Variants in PHC2 observed in about 807,000 individuals in gnomAD.
PHC2 encodes the protein polyhomeotic homolog 2.
PHC2 carries 29 observed loss-of-function variants against 87.4 expected under a neutral mutation model. The ratio of observed to expected loss-of-function variants is 0.33; its 90% CI spans 0.25 to 0.45. The LOEUF (loss-of-function observed/expected upper bound fraction) is 0.45. Ranked by LOEUF, PHC2 falls within the 20% of genes least tolerant of loss-of-function variation. PHC2 has a pLI of 1.00. For synonymous variants in PHC2, 438 were observed against 461.7 expected, an observed-to-expected ratio of 0.95 and a Z score of 0.66; for missense variants, 857 against 1,136.7, an observed-to-expected ratio of 0.75 and a Z score of 3.54.
rs114472667 is a variant in PHC2, at chr1:33,369,182, G to A, written c.577-560C>T. Reference sequence around the variant, plus strand: ...TAGAGACAACAACAGCAGAGGAAGCGGACCGCCTGGAGCCGTCCTCATGTC... The same window carrying A: ...TAGAGACAACAACAGCAGAGGAAGCAGACCGCCTGGAGCCGTCCTCATGTC... On this transcript the variant is annotated intron_variant, in intron 5 of 14. Transcript: ENST00000683057. This position sits in a 1 kb window ranked among gnomAD's most constrained non-coding sequence, Gnocchi z 4.7. Among the ~76,000 whole-genome samples the A allele has an allele frequency of 3.2e-3, 481 of 152,302 alleles. 3 individuals are homozygous for A. The highest frequency in any genetic ancestry group is 0.011 in the African/African-American group (460 of 41,560).
In PHC2 at chr1:33,349,892, G is replaced by T; in HGVS notation, c.1558+4509C>A. 1.0e-6 allele frequency: 1 copy of T among 976,712 alleles called. No individual in the cohort carries two copies. Among genetic ancestry groups the T allele is most frequent in the Non-Finnish European group, 1.2e-6 (1 of 825,784 alleles). 60.5% of individuals were successfully genotyped at this position (976,712 alleles called of 1,614,324 possible). On this transcript the variant is annotated intron_variant, in intron 9 of 14. Coordinates refer to ENST00000683057, the MANE Select transcript of PHC2 (RefSeq NM_001385109.1). The surrounding 1 kb of genome is among the most constrained non-coding windows in gnomAD (Gnocchi z 4.2). ...GCTCGAGGGCTGCAGCCGCCGCGGA[G>T]ACAATGCGGCGAGTCTGGGACGGCT...
At position 33,419,702 on chromosome 1, in the gene PHC2, C is replaced by T. The variant is rs181707094; in HGVS notation, c.-55+11274G>A. On this transcript the variant is annotated intron_variant, in intron 1 of 14. Transcript: ENST00000683057. Reference sequence around the variant, plus strand: ...TCAGCTCACTGCAAGCTCCACCTCCCGGGTTCATGCCATTCTCCTGCCTCA... The same window carrying T: ...TCAGCTCACTGCAAGCTCCACCTCCTGGGTTCATGCCATTCTCCTGCCTCA... 1.0e-2 allele frequency among the ~76,000 whole-genome samples: 1,519 copies of T among 152,246 alleles called. 63 individuals are homozygous for T. The highest frequency in any genetic ancestry group is 0.066 in the Admixed American group (1,003 of 15,296).
chr1:33,326,676 G>A (rs768975800), intron 14 of PHC2, among the ~76,000 whole-genome samples: 22 of 152,200 alleles, frequency 1.4e-4, no homozygotes, highest in Non-Finnish European at 2.8e-4. Flanking sequence ...AAGGTAGGCC[G>A]GGCGCAGTGG....
chr1:33,418,508 C>A (rs554317554), intron 1 of PHC2, among the ~76,000 whole-genome samples: 1 of 152,230 alleles, frequency 6.6e-6, no homozygotes, highest in African/African-American at 2.4e-5. Context: ...TGGACAAATT[C>A]TTTGAAAGAC....
chr1:33,401,673 T>C (rs1649538228), intron 1 of PHC2, among the ~76,000 whole-genome samples: 1 of 152,142 alleles, frequency 6.6e-6, no homozygotes, highest in African/African-American at 2.4e-5. Flanking sequence ...ATTTACCACT[T>C]AATGGAACCA....
chr1:33,346,604 G>T, intron 9 of PHC2: 1 of 985,374 alleles, frequency 1.0e-6, no homozygotes, highest in Non-Finnish European at 1.2e-6. Flanking sequence ...CCGTACTAAT[G>T]ATGAGCAGCA....
At chr1:33,351,354 G>T (rs1302078415) in intron 9 of PHC2, among the ~76,000 whole-genome samples, 3 of 152,230 alleles carry the variant, frequency 2.0e-5, no homozygotes, top group African/African-American at 7.2e-5. Flanking sequence ...CACTGGCAAT[G>T]TGATGGTTTT....
intron 9 of PHC2, among the ~76,000 whole-genome samples, chr1:33,354,028 T>A (rs1456777868): frequency 6.6e-6 from 1 of 152,176 alleles, no homozygotes; most frequent in African/African-American, 2.4e-5. Flanking sequence ...TTTTGCCATA[T>A]TTCCAATATC....
At chr1:33,377,475 A>C (rs935187525) in intron 1 of PHC2, among the ~76,000 whole-genome samples, 3 of 152,052 alleles carry the variant, frequency 2.0e-5, no homozygotes, top group Admixed American at 2.0e-4. Context: ...TTGGCAGTGG[A>C]GAGGGGTTGG....
intron 1 of PHC2, among the ~76,000 whole-genome samples, chr1:33,417,914 A>G (rs1464779358): frequency 2.0e-5 from 3 of 152,194 alleles, no homozygotes; most frequent in South Asian, 2.1e-4. Context: ...CTCGAAAGCA[A>G]TAACAGAAAG....
chr1:33,383,958 G>A (rs1322821198), intron 1 of PHC2, among the ~76,000 whole-genome samples: 11 of 152,096 alleles, frequency 7.2e-5, no homozygotes, highest in Admixed American at 5.9e-4. Context: ...CCTCCAGAAC[G>A]GTAACATGAT....
chr1:33,346,354 C>G (rs979615290), intron 9 of PHC2: 3 of 985,262 alleles, frequency 3.0e-6, no homozygotes, highest in Non-Finnish European at 3.6e-6. Flanking sequence ...AGAAAGTCAT[C>G]ATCATGATCA....
In PHC2 at chr1:33,375,399, C is replaced by A; in HGVS notation, c.141G>T (p.Val47=). The A allele has an allele frequency of 6.2e-7, 1 of 1,609,216 alleles. No individual in the cohort carries two copies. ...SGRPTGPQIS[V]YSGIPDRQTV... ...TCTGCCGGTCTGGAATACCACTGTACACAGAAATCTGGGGCCCGGTGGGGC... is the reference window on the plus strand; with the variant it reads ...TCTGCCGGTCTGGAATACCACTGTAAACAGAAATCTGGGGCCCGGTGGGGC... Residue 47 remains valine (V), a synonymous_variant, in exon 2 of 15, where the codon GTG becomes GTT. Transcript: ENST00000683057.
chr1:33,392,397 C>T (rs1390833768), intron 1 of PHC2, among the ~76,000 whole-genome samples: 3 of 152,250 alleles, frequency 2.0e-5, no homozygotes, highest in Admixed American at 6.5e-5. Flanking sequence ...CGCGTTCTCA[C>T]GTTCTGTTCC....
intron 14 of PHC2, 92 bp downstream of exon 14, chr1:33,328,778 C>CT: frequency 7.6e-7 from 1 of 1,309,524 alleles, no homozygotes; most frequent in Non-Finnish European, 1.0e-6. Flanking sequence ...GAGTCATTAA[C>CT]TAAACTACCT....
At chr1:33,361,672 TAAC>T (rs1647197682) in intron 7 of PHC2, among the ~76,000 whole-genome samples, 1 of 152,174 alleles carries the variant, frequency 6.6e-6, no homozygotes, top group Non-Finnish European at 1.5e-5. Context: ...AAGAAGGAAA[TAAC>T]AGTCTCTGAG....
Position 33,355,268 on chromosome 1 carries a change from G to A in PHC2, c.977-15C>T. ...CTGAGCATAGGCTGAAAGGGGAAAG[G>A]CCAGGTTAGAGAGCATGGCTTGACC... On this transcript the variant is annotated splice_polypyrimidine_tract_variant and intron_variant, in intron 7 of 14. Coordinates refer to ENST00000683057, the MANE Select transcript of PHC2 (RefSeq NM_001385109.1). 2.6e-6 allele frequency: 4 copies of A among 1,550,806 alleles called. No individual in the cohort carries two copies. Among genetic ancestry groups the A allele is most frequent in the Non-Finnish European group, 2.6e-6 (3 of 1,146,046 alleles).
At position 33,334,206 on chromosome 1, in the gene PHC2, C is replaced by T. The variant is rs115905637; in HGVS notation, c.1645G>A (p.Ala549Thr). 2.1e-3 allele frequency: 3,450 copies of T among 1,612,788 alleles called. 68 individuals carry two copies. The African/African-American group carries it at 0.04, about 19-fold the overall frequency. The change falls in exon 10 of 15, where the codon GCC becomes ACC. Residue 549 changes from alanine to threonine, a missense_variant. Ala to Thr is a moderately conservative substitution (Grantham distance 58). Transcript: ENST00000683057. The surrounding 1 kb of genome is among the most constrained non-coding windows in gnomAD (Gnocchi z 5.5). ...SGNGNSASSI[A>T]GTAPQNGENK... ...TCACCATTCTGGGGGGCAGTGCCGG[C>T]GATGCTGGAGGCAGAGTTTCCGTTC...
In PHC2 at chr1:33,325,890, G is replaced by A. The variant is rs764917844; in HGVS notation, c.2426-871C>T. The A allele has an allele frequency of 2.0e-5, 9 of 456,622 alleles. No homozygotes were observed. The East Asian group carries it at 2.8e-4, about 14-fold the overall frequency. The allele number at this position is 456,622 out of a possible 1,614,324, so 28.3% of individuals were successfully genotyped here. A position where few individuals can be genotyped will look rare whatever the true frequency, so the allele number is the denominator to read the frequency against. ...GAGCCAGAAGGACTCTGTGGAAAGC[G>A]TGAGTGTCTAAGGTGCTTTGAGAGA... On this transcript the variant is annotated intron_variant, in intron 14 of 14. Coordinates refer to ENST00000683057, the MANE Select transcript of PHC2 (RefSeq NM_001385109.1).
Sources: gnomAD v4.1 joint callset for allele counts (sites outside exome capture counted in the v4.1 genomes callset) on GRCh38, gnomAD v4.1.1 for gene constraint, Gnocchi (gnomAD v3.1) non-coding constraint, MANE v1.5 for transcripts, NCBI Gene and HGNC (gene_info 2026-07-23, HGNC 2026-07-21) for gene names.